The following MCC variants were observed in gnomAD, a reference collection of about 807,000 sequenced individuals.
The protein encoded by MCC is MCC regulator of Wnt signaling pathway.
MCC carries 90 observed loss-of-function variants against 116.2 expected under a neutral mutation model. That is an observed-to-expected ratio of 0.77 (90% CI 0.65 to 0.92). The LOEUF is 0.92. MCC is among the 40% of genes least tolerant of loss of function. The pLI is 0.00. For synonymous variants in MCC, 578 were observed against 510.5 expected, an observed-to-expected ratio of 1.13 and a Z score of -1.78; for missense variants, 1,516 against 1,312.2, an observed-to-expected ratio of 1.16 and a Z score of -2.40.
chr5:113,183,919 T>G (rs966042880), intron 3 of MCC, among the ~76,000 whole-genome samples: 3 of 144,528 alleles, frequency 2.1e-5, no homozygotes, highest in Non-Finnish European at 4.6e-5. Flanking sequence ...CCCACCCATC[T>G]TCACAATTCC....
chr5:113,392,181 C>T lies in MCC; in HGVS notation c.171-6969G>A, dbSNP rs192211132. Among the ~76,000 whole-genome samples, 29 of 151,150 alleles carry T rather than the reference C, an allele frequency of 1.9e-4. No homozygotes were observed. In the East Asian group the frequency reaches 5.8e-3, roughly 30 times the overall value. ...AGGAGTTCAAGGCCATAGTGAGCTA[C>T]GATTGCCTATGAATAGCAACTGCAC... On this transcript the variant is annotated intron_variant, in intron 1 of 18. Transcript: ENST00000408903.
intron 3 of MCC, among the ~76,000 whole-genome samples, chr5:113,253,663 T>C (rs111295000): frequency 0.021 from 3,125 of 151,908 alleles, 35 homozygotes; most frequent in Middle Eastern, 0.027. Flanking sequence ...GATGACTACA[T>C]ATGAAGAAAG....
intron 3 of MCC, among the ~76,000 whole-genome samples, chr5:113,278,175 T>C (rs754448814): frequency 2.6e-5 from 4 of 152,196 alleles, no homozygotes; most frequent in Admixed American, 6.5e-5. Context: ...CAAACCCTAA[T>C]TGAAACCTGG....
chr5:113,191,153 T>C (rs4705802), intron 3 of MCC, among the ~76,000 whole-genome samples: 1 of 152,038 alleles, frequency 6.6e-6, no homozygotes, highest in East Asian at 1.9e-4. Context: ...GAGCAGAAGG[T>C]AGGAGGCTGC....
chr5:113,068,140 C>A lies in MCC; in HGVS notation c.1969G>T (p.Glu657Ter). Residue 657 changes from glutamate to a stop codon, truncating the protein, a stop_gained, in exon 13 of 19, where the codon GAG (glutamate) becomes TAG (stop). Transcript: ENST00000408903. LOFTEE classifies it high-confidence loss of function. ...EAYELLLALA[E>*]SEQSLILGQF... ...CCCAGGATGAGGCTCTGCTCACTCTCTGCCAGCGCCAGGAGGAGTTCGTAG... is the reference window on the plus strand; with the variant it reads ...CCCAGGATGAGGCTCTGCTCACTCTATGCCAGCGCCAGGAGGAGTTCGTAG... The A allele has an allele frequency of 6.2e-7, 1 of 1,614,214 alleles. No individual in the cohort carries two copies.
chr5:113,103,409 AAT>A (rs1373712896), intron 7 of MCC, among the ~76,000 whole-genome samples: 1 of 152,180 alleles, frequency 6.6e-6, no homozygotes, highest in African/African-American at 2.4e-5. Context: ...ATTACAATCA[AAT>A]ATAGGGCCCA....
chr5:113,414,613 G>A (rs181717746), intron 1 of MCC, among the ~76,000 whole-genome samples: 4 of 151,494 alleles, frequency 2.6e-5, no homozygotes, highest in Non-Finnish European at 5.9e-5. Context: ...GCTTCCATTT[G>A]CTTGGTAGAT....
intron 3 of MCC, among the ~76,000 whole-genome samples, chr5:113,211,658 T>C (rs1763140228): frequency 1.3e-5 from 2 of 152,218 alleles, no homozygotes; most frequent in South Asian, 4.1e-4. Flanking sequence ...CTGATGTTTA[T>C]ATAAATAGCA....
intron 17 of MCC, among the ~76,000 whole-genome samples, chr5:113,041,892 G>A (rs185569278): frequency 6.6e-6 from 1 of 152,122 alleles, no homozygotes; most frequent in East Asian, 1.9e-4. Flanking sequence ...GCTAACTTGG[G>A]AGGCTGAGGC....
chr5:113,340,442 G>A (rs1165742145), intron 3 of MCC, 77 bp downstream of exon 3: 1 of 1,222,834 alleles, frequency 8.2e-7, no homozygotes, highest in African/African-American at 1.5e-5. Flanking sequence ...TATGTCCCCT[G>A]GAGCACAAAA....
intron 1 of MCC, among the ~76,000 whole-genome samples, chr5:113,447,156 A>G (rs942195325): frequency 1.3e-5 from 2 of 152,172 alleles, no homozygotes; most frequent in African/African-American, 4.8e-5. Flanking sequence ...GATCTTAGGA[A>G]TATCTTCAAA....
At chr5:113,282,187 A>T (rs1295076469) in intron 3 of MCC, among the ~76,000 whole-genome samples, 1 of 152,196 alleles carries the variant, frequency 6.6e-6, no homozygotes, top group Non-Finnish European at 1.5e-5. Context: ...AAGTGACTTG[A>T]CCCAGTGAAG....
intron 5 of MCC, among the ~76,000 whole-genome samples, chr5:113,134,379 TAGATG>T (rs1758660284): frequency 6.6e-6 from 1 of 152,152 alleles, no homozygotes. Flanking sequence ...GAGATGACTG[TAGATG>T]AGTAGATTTA....
intron 11 of MCC, among the ~76,000 whole-genome samples, chr5:113,073,459 T>C (rs551988271): frequency 6.6e-6 from 1 of 152,236 alleles, no homozygotes; most frequent in Non-Finnish European, 1.5e-5. Context: ...TAATGACTTC[T>C]AATTACACTT....
At chr5:113,459,133 ATGTGTGTGTGTGTGTG>A (rs542497591) in intron 1 of MCC, among the ~76,000 whole-genome samples, 25 of 68,360 alleles carry the variant, frequency 3.7e-4, no homozygotes, top group East Asian at 2.0e-3. Flanking sequence ...GAGTAAGGAT[ATGTGTGTGTGTGTGTG>A]TGTGTGTGTG....
At chr5:113,364,193 T>G (rs10061331) in intron 2 of MCC, among the ~76,000 whole-genome samples, 65,933 of 140,176 alleles carry the variant, frequency 0.47, 16,210 homozygotes, top group African/African-American at 0.65. Flanking sequence ...ATTGCGTCAC[T>G]GCACTCCAGC....
chr5:113,188,028 G>T (rs1761985973), intron 3 of MCC, among the ~76,000 whole-genome samples: 1 of 152,126 alleles, frequency 6.6e-6, no homozygotes, highest in African/African-American at 2.4e-5. Context: ...GAAAGCAGAA[G>T]TAAACCAAGC....
At chr5:113,190,409 G>A (rs922846766) in intron 3 of MCC, among the ~76,000 whole-genome samples, 1 of 152,298 alleles carries the variant, frequency 6.6e-6, no homozygotes, top group Non-Finnish European at 1.5e-5. Flanking sequence ...ATCACATGCG[G>A]AAGGAGGGGC....
intron 3 of MCC, among the ~76,000 whole-genome samples, chr5:113,306,560 T>A (rs1766989504): frequency 6.6e-6 from 1 of 152,218 alleles, no homozygotes; most frequent in Non-Finnish European, 1.5e-5. Context: ...TGCCCATTTT[T>A]AAATTGGGTT....
Sources: allele counts gnomAD v4.1 joint callset (sites outside exome capture counted in the v4.1 genomes callset), GRCh38; gene constraint gnomAD v4.1.1; transcripts MANE v1.5; gene names NCBI Gene and HGNC (gene_info 2026-07-23, HGNC 2026-07-21).